Variants in SCMH1 observed in about 807,000 individuals in gnomAD.
SCMH1 encodes polycomb protein SCMH1.
A neutral mutation model predicts 70.8 loss-of-function variants in SCMH1; 37 were observed. That is an observed-to-expected ratio of 0.52 (90% CI 0.40 to 0.69). SCMH1 has a LOEUF of 0.69. SCMH1 is among the 30% of genes least tolerant of loss of function. The probability of loss-of-function intolerance (pLI) is 0.00; values close to 1 mark genes in which losing one functional copy is unlikely to be tolerated. For synonymous variants in SCMH1, 292 were observed against 307.4 expected (o/e 0.95, Z 0.52); for missense variants, 607 against 827.3 (o/e 0.73, Z 3.27).
intron 13 of SCMH1, among the ~76,000 whole-genome samples, chr1:41,030,687 C>T (rs1008810712): frequency 6.6e-6 from 1 of 152,178 alleles, no homozygotes; most frequent in Admixed American, 6.5e-5. Flanking sequence ...CAGTACATAT[C>T]GTTACCTAAA....
intron 1 of SCMH1, among the ~76,000 whole-genome samples, chr1:41,200,915 T>C (rs147666611): frequency 7.4e-5 from 11 of 148,582 alleles, no homozygotes; most frequent in Admixed American, 1.4e-4. Flanking sequence ...GATAAGAGAT[T>C]ACTAACCTTT....
chr1:41,201,095 G>C (rs1354934739), intron 1 of SCMH1, among the ~76,000 whole-genome samples: 1 of 152,170 alleles, frequency 6.6e-6, no homozygotes, highest in Non-Finnish European at 1.5e-5. Context: ...CAATAGATTA[G>C]ATCCTCAACT....
chr1:41,232,960 T>C (rs928755836), intron 1 of SCMH1, among the ~76,000 whole-genome samples: 5 of 152,244 alleles, frequency 3.3e-5, no homozygotes, highest in Admixed American at 2.6e-4. Flanking sequence ...TTGATGATTC[T>C]TCCATCAGAT....
At chr1:41,214,757 G>C (rs1214349730) in intron 1 of SCMH1, among the ~76,000 whole-genome samples, 2 of 152,086 alleles carry the variant, frequency 1.3e-5, no homozygotes, top group Non-Finnish European at 2.9e-5. Context: ...CACTAACCCT[G>C]ATTCTCCAAT....
At chr1:41,096,870 G>A (rs143697887) in intron 8 of SCMH1, among the ~76,000 whole-genome samples, 13 of 152,190 alleles carry the variant, frequency 8.5e-5, no homozygotes, top group African/African-American at 3.1e-4. Context: ...GGCAGTAACT[G>A]GGCTATTAGA....
At chr1:41,155,459 A>C (rs1557680984) in intron 4 of SCMH1, among the ~76,000 whole-genome samples, 3 of 151,482 alleles carry the variant, frequency 2.0e-5, no homozygotes, top group Non-Finnish European at 4.4e-5. Flanking sequence ...ACATGGAGCA[A>C]AAACAAACAA....
chr1:41,035,441 G>T (rs2802548), intron 13 of SCMH1, among the ~76,000 whole-genome samples: 98,667 of 152,054 alleles, frequency 0.65, 33,551 homozygotes, highest in African/African-American at 0.86. Context: ...GTTGGGCCCT[G>T]AGGTTTCCTG....
At chr1:41,028,872 A>T in intron 13 of SCMH1, 146 bp from the exon 15 acceptor site, 1 of 879,976 alleles carries the variant, frequency 1.1e-6, no homozygotes, top group South Asian at 2.0e-5. Flanking sequence ...TAGCTGGGGG[A>T]GGGAAGCATT....
At chr1:41,212,755 C>A (rs1368629955) in intron 1 of SCMH1, among the ~76,000 whole-genome samples, 1 of 152,198 alleles carries the variant, frequency 6.6e-6, no homozygotes, top group Admixed American at 6.5e-5. Flanking sequence ...TCTGTACACA[C>A]AGAGCTTTTT....
At chr1:41,234,703 T>C (rs1662004815) in intron 1 of SCMH1, among the ~76,000 whole-genome samples, 2 of 151,994 alleles carry the variant, frequency 1.3e-5, no homozygotes, top group Admixed American at 6.6e-5. Context: ...CTCGATCTCC[T>C]GACCTCATGA....
At chr1:41,212,990 G>A (rs960451956) in intron 1 of SCMH1, among the ~76,000 whole-genome samples, 2 of 152,114 alleles carry the variant, frequency 1.3e-5, no homozygotes, top group African/African-American at 4.8e-5. Context: ...TCTGGAAAAT[G>A]CAATGGATGA....
intron 13 of SCMH1, 51 bp from the exon 15 acceptor site, chr1:41,028,777 TC>T: frequency 6.3e-7 from 1 of 1,593,772 alleles, no homozygotes; most frequent in Non-Finnish European, 8.6e-7. Context: ...GGTTTGTAAA[TC>T]CCCACCACTC....
At chr1:41,048,649 T>A in intron 11 of SCMH1, 41 bp downstream of exon 11, 1 of 1,560,926 alleles carries the variant, frequency 6.4e-7, no homozygotes, top group Admixed American at 1.7e-5. Context: ...AGAAGGTGGG[T>A]CCTTCTGGCT....
intron 6 of SCMH1, among the ~76,000 whole-genome samples, chr1:41,123,750 T>C (rs1343455530): frequency 5.9e-5 from 9 of 151,972 alleles, no homozygotes; most frequent in Admixed American, 4.6e-4. Flanking sequence ...AGGAGAATCA[T>C]TCTACTCTAC....
chr1:41,082,866 A>G, intron 8 of SCMH1, among the ~76,000 whole-genome samples: 1 of 152,248 alleles, frequency 6.6e-6, no homozygotes, highest in Non-Finnish European at 1.5e-5. Flanking sequence ...AGAACCATCG[A>G]CAAAAACCAC....
chr1:41,143,506 T>G (rs1423390803), intron 5 of SCMH1, among the ~76,000 whole-genome samples: 1 of 152,214 alleles, frequency 6.6e-6, no homozygotes. Flanking sequence ...TTTCAGTATA[T>G]TGGTGTGTAT....
chr1:41,074,927 A>G (rs1024876968), intron 9 of SCMH1, among the ~76,000 whole-genome samples: 18 of 152,184 alleles, frequency 1.2e-4, no homozygotes, highest in African/African-American at 4.1e-4. Context: ...CAGTGGCACG[A>G]TCTCCGCTCA....
At chr1:41,075,141 G>A in intron 9 of SCMH1, 78 bp downstream of exon 9, 1 of 1,408,616 alleles carries the variant, frequency 7.1e-7, no homozygotes, top group Admixed American at 1.7e-5. Context: ...TGGGATTACA[G>A]GCGTGAGCCA....
chr1:41,062,344 C>T (rs1246486639), intron 10 of SCMH1, among the ~76,000 whole-genome samples: 1 of 151,956 alleles, frequency 6.6e-6, no homozygotes, highest in East Asian at 1.9e-4. Context: ...TGGCTCACGC[C>T]TGTAATCCTA....
Sources: gnomAD v4.1 joint callset for allele counts (sites outside exome capture counted in the v4.1 genomes callset) on GRCh38, gnomAD v4.1.1 for gene constraint, MANE v1.5 for transcripts, NCBI Gene and HGNC (gene_info 2026-07-23, HGNC 2026-07-21) for gene names.